Variants in ADGRL2 observed in about 807,000 individuals in gnomAD.
ADGRL2 encodes calcium-independent alpha-latrotoxin receptor 2.
In ADGRL2, 44 loss-of-function variants were observed where a neutral mutation model predicts 157.4. The observed-to-expected ratio is 0.28, with a 90% CI of 0.22 to 0.36. The LOEUF is 0.36. ADGRL2 is among the 10% of genes least tolerant of loss of function. The pLI, the probability that ADGRL2 is intolerant of heterozygous loss-of-function variation, is 1.00. For missense variants in ADGRL2, 1,510 were observed against 1,768.9 expected, an observed-to-expected ratio of 0.85 and a Z score of 2.63; for synonymous variants, 585 against 624.7, an observed-to-expected ratio of 0.94 and a Z score of 0.95.
chr1:81,581,874 G>GCAGACACACACACACACACA (rs1553127044), intron 3 of ADGRL2, among the ~76,000 whole-genome samples: 4 of 83,452 alleles, frequency 4.8e-5, no homozygotes, highest in African/African-American at 1.3e-4. Flanking sequence ...ACACATGCGC[G>GCAGACACACACACACACACA]CACACACACA....
At chr1:81,433,532 C>T (rs1436239159) in intron 1 of ADGRL2, among the ~76,000 whole-genome samples, 1 of 152,166 alleles carries the variant, frequency 6.6e-6, no homozygotes, top group African/African-American at 2.4e-5. Flanking sequence ...GAAAGCTGAT[C>T]TTACTCTAGG....
intron 1 of ADGRL2, among the ~76,000 whole-genome samples, chr1:81,341,555 A>G (rs66791426): frequency 0.035 from 5,336 of 152,224 alleles, 107 homozygotes; most frequent in African/African-American, 0.059. Flanking sequence ...TTCTCAACCT[A>G]GTAAGCATGT....
chr1:81,357,539 A>T (rs1467467047), intron 1 of ADGRL2, among the ~76,000 whole-genome samples: 1 of 152,182 alleles, frequency 6.6e-6, no homozygotes, highest in Non-Finnish European at 1.5e-5. Context: ...GTAGTGTGAT[A>T]TCATGGAAAA....
At chr1:81,967,574 C>A (rs1657511359) in intron 13 of ADGRL2, among the ~76,000 whole-genome samples, 1 of 152,090 alleles carries the variant, frequency 6.6e-6, no homozygotes, top group South Asian at 2.1e-4. Flanking sequence ...TTGATTGACT[C>A]TTAAGAGCTT....
At chr1:81,765,375 C>T (rs1408699422) in intron 2 of ADGRL2, among the ~76,000 whole-genome samples, 1 of 151,926 alleles carries the variant, frequency 6.6e-6, no homozygotes, top group East Asian at 1.9e-4. Context: ...TAACCAAAAT[C>T]AGGGGCAATG....
intron 17 of ADGRL2, among the ~76,000 whole-genome samples, chr1:81,979,199 G>C (rs751807764): frequency 6.6e-6 from 1 of 151,656 alleles, no homozygotes; most frequent in Non-Finnish European, 1.5e-5. Context: ...TTTGCACCTA[G>C]ATTCTTTGCA....
chr1:81,368,892 C>T (rs947423290), intron 1 of ADGRL2, among the ~76,000 whole-genome samples: 5 of 152,038 alleles, frequency 3.3e-5, no homozygotes, highest in Non-Finnish European at 7.4e-5. Flanking sequence ...ATTTGTCATC[C>T]TTTTTTTACA....
At chr1:81,794,493 T>C (rs1449176295) in intron 2 of ADGRL2, among the ~76,000 whole-genome samples, 2 of 152,188 alleles carry the variant, frequency 1.3e-5, no homozygotes, top group Non-Finnish European at 2.9e-5. Context: ...GTACAATAAC[T>C]GGACAGGTTA....
intron 2 of ADGRL2, among the ~76,000 whole-genome samples, chr1:81,478,817 T>C (rs1431268671): frequency 6.6e-6 from 1 of 152,168 alleles, no homozygotes; most frequent in Non-Finnish European, 1.5e-5. Context: ...AGAAAAATAC[T>C]GGCATCTGCA....
chr1:81,829,413 A>G (rs1011080639), intron 1 of ADGRL2, among the ~76,000 whole-genome samples: 2 of 152,358 alleles, frequency 1.3e-5, no homozygotes, highest in Non-Finnish European at 2.9e-5. Flanking sequence ...AGACACAGAT[A>G]TAAATGGTAT....
chr1:81,941,261 T>C (rs932180311), intron 4 of ADGRL2, among the ~76,000 whole-genome samples: 1 of 151,540 alleles, frequency 6.6e-6, no homozygotes, highest in Admixed American at 6.6e-5. Flanking sequence ...AAAATGTATA[T>C]GTAAACCTAA....
intron 2 of ADGRL2, among the ~76,000 whole-genome samples, chr1:81,871,306 TG>T (rs201358261): frequency 0.029 from 4,367 of 152,236 alleles, 94 homozygotes; most frequent in Non-Finnish European, 0.042. Flanking sequence ...GGTGTATATG[TG>T]CCACATTTTC....
chr1:81,626,005 T>C (rs2081901028), intron 3 of ADGRL2, among the ~76,000 whole-genome samples: 1 of 152,192 alleles, frequency 6.6e-6, no homozygotes, highest in Non-Finnish European at 1.5e-5. Context: ...ATCTCAGCTA[T>C]ATTTTTCCTC....
intron 2 of ADGRL2, among the ~76,000 whole-genome samples, chr1:81,446,011 G>C (rs1182522739): frequency 6.6e-6 from 1 of 152,094 alleles, no homozygotes; most frequent in African/African-American, 2.4e-5. Flanking sequence ...ACTTGCTTCA[G>C]GTTCTCAATT....
chr1:81,837,854 T>G (rs2092360956), intron 2 of ADGRL2, among the ~76,000 whole-genome samples: 1 of 151,966 alleles, frequency 6.6e-6, no homozygotes, highest in Admixed American at 6.6e-5. Context: ...GGCTAGAAGT[T>G]AATATGGAGC....
intron 2 of ADGRL2, among the ~76,000 whole-genome samples, chr1:81,859,958 G>A (rs577424898): frequency 6.6e-6 from 1 of 151,838 alleles, no homozygotes; most frequent in Non-Finnish European, 1.5e-5. Context: ...AGGCGTGGTA[G>A]CTCACACCTG....
At chr1:81,473,846 G>C (rs2078220820) in intron 2 of ADGRL2, among the ~76,000 whole-genome samples, 1 of 152,128 alleles carries the variant, frequency 6.6e-6, no homozygotes, top group African/African-American at 2.4e-5. Context: ...TGTAGATACA[G>C]AGCTGAAGAG....
chr1:81,865,742 A>C (rs1435922112), intron 2 of ADGRL2, among the ~76,000 whole-genome samples: 1 of 152,182 alleles, frequency 6.6e-6, no homozygotes, highest in African/African-American at 2.4e-5. Flanking sequence ...ACAATTGTCT[A>C]TGAAATCTTG....
intron 1 of ADGRL2, among the ~76,000 whole-genome samples, chr1:81,437,264 C>T (rs541405854): frequency 6.6e-6 from 1 of 151,922 alleles, no homozygotes; most frequent in Admixed American, 6.6e-5. Context: ...AACAAGAGAA[C>T]TAATTTTTCT....
Sources: allele counts gnomAD v4.1 joint callset (sites outside exome capture counted in the v4.1 genomes callset), GRCh38; gene constraint gnomAD v4.1.1; transcripts MANE v1.5; gene names NCBI Gene and HGNC (gene_info 2026-07-23, HGNC 2026-07-21).